RAB2A: variants seen among roughly 807,000 people sequenced by gnomAD.
RAB2A encodes RAB2A, member RAS oncogene family.
Under a neutral mutation model 32.5 loss-of-function variants are expected in RAB2A, and 7 were observed. That is an observed-to-expected ratio of 0.22 (90% confidence interval 0.12 to 0.40). RAB2A has a LOEUF of 0.40. RAB2A is among the 10% of genes least tolerant of loss of function. The probability of loss-of-function intolerance (pLI) is 1.00; values close to 1 mark genes in which losing one functional copy is unlikely to be tolerated. For synonymous variants in RAB2A, 79 were observed against 85.2 expected, an observed-to-expected ratio of 0.93 and a Z score of 0.40; for missense variants, 108 against 260.7, an observed-to-expected ratio of 0.41 and a Z score of 4.03.
chr8:60,544,573 A>T (rs10095963), intron 1 of RAB2A, among the ~76,000 whole-genome samples: 34,812 of 91,992 alleles, frequency 0.38, 4,861 homozygotes, highest in African/African-American at 0.51. Context: ...TTTTTTTTTT[A>T]AAATAGAGAT....
At chr8:60,579,328 C>A (rs1028214801) in intron 3 of RAB2A, among the ~76,000 whole-genome samples, 1 of 152,204 alleles carries the variant, frequency 6.6e-6, no homozygotes, top group African/African-American at 2.4e-5. Flanking sequence ...CAGGCGTGAG[C>A]CACCACACCC....
chr8:60,600,059 T>C (rs1206361271), intron 6 of RAB2A, among the ~76,000 whole-genome samples: 1 of 116,822 alleles, frequency 8.6e-6, no homozygotes, highest in Admixed American at 7.9e-5. Flanking sequence ...GTAATTTTAC[T>C]CGGTAGTAAA....
At chr8:60,615,465 A>G (rs988095459) in intron 6 of RAB2A, among the ~76,000 whole-genome samples, 8 of 152,228 alleles carry the variant, frequency 5.3e-5, no homozygotes, top group Non-Finnish European at 7.3e-5. Flanking sequence ...AGTGGTCTAA[A>G]GATGGATTAG....
intron 5 of RAB2A, among the ~76,000 whole-genome samples, chr8:60,588,152 A>G (rs762702652): frequency 1.3e-4 from 20 of 152,172 alleles, no homozygotes; most frequent in Non-Finnish European, 2.2e-4. Context: ...ACATGGTGGT[A>G]CATACTTGTA....
chr8:60,579,058 T>C (rs997539978), intron 3 of RAB2A, among the ~76,000 whole-genome samples: 14 of 152,184 alleles, frequency 9.2e-5, no homozygotes. Context: ...TTGTTTTGTT[T>C]TTGAGACAGA....
intron 6 of RAB2A, among the ~76,000 whole-genome samples, chr8:60,608,524 C>A (rs1290647399): frequency 6.8e-6 from 1 of 146,906 alleles, no homozygotes; most frequent in African/African-American, 2.6e-5. Flanking sequence ...TCTCCTTCTT[C>A]CTCTCCTTCT....
intron 1 of RAB2A, among the ~76,000 whole-genome samples, chr8:60,525,545 C>T (rs746971865): frequency 2.0e-5 from 3 of 152,124 alleles, no homozygotes; most frequent in Non-Finnish European, 4.4e-5. Flanking sequence ...TGGTCTGGCT[C>T]CATTCCCCTT....
chr8:60,613,278 T>C (rs1804389771), intron 6 of RAB2A, among the ~76,000 whole-genome samples: 1 of 152,166 alleles, frequency 6.6e-6, no homozygotes, highest in Non-Finnish European at 1.5e-5. Flanking sequence ...CCTTCTCCTG[T>C]TGTTCCCCAT....
At chr8:60,616,527 G>A (rs1171826251) in intron 6 of RAB2A, among the ~76,000 whole-genome samples, 1 of 152,246 alleles carries the variant, frequency 6.6e-6, no homozygotes, top group African/African-American at 2.4e-5. Flanking sequence ...ATAAAGTTAA[G>A]TTTTTCCTTA....
chr8:60,522,885 A>T lies in RAB2A; in HGVS notation c.46+5632A>T, dbSNP rs186731953. Among the ~76,000 whole-genome samples, 7 of 152,190 alleles carry T rather than the reference A, an allele frequency of 4.6e-5. No individual in the cohort carries two copies. In the East Asian group the frequency reaches 1.2e-3, roughly 25 times the overall value. On this transcript the variant is annotated intron_variant, in intron 1 of 7. Coordinates refer to ENST00000262646, the MANE Select transcript of RAB2A (RefSeq NM_002865.3). ...AAAAAAAAAAATATTCAGCAGCCCA[A>T]CCCCTAGAGATTTTGATTGACTAGA...
At chr8:60,519,841 T>C (rs1194266955) in intron 1 of RAB2A, among the ~76,000 whole-genome samples, 3 of 152,220 alleles carry the variant, frequency 2.0e-5, no homozygotes, top group Non-Finnish European at 4.4e-5. Flanking sequence ...GGTGTCGTTG[T>C]TGTTGTTGTT....
At chr8:60,589,107 AAAT>A (rs1331007179) in intron 5 of RAB2A, among the ~76,000 whole-genome samples, 2 of 152,336 alleles carry the variant, frequency 1.3e-5, no homozygotes, top group African/African-American at 2.4e-5. Flanking sequence ...TCAAGGTATG[AAAT>A]AATAAGAGGA....
intron 1 of RAB2A, among the ~76,000 whole-genome samples, chr8:60,554,245 G>C (rs1471823625): frequency 6.6e-6 from 1 of 152,234 alleles, no homozygotes; most frequent in South Asian, 2.1e-4. Flanking sequence ...ACCAGAACTA[G>C]AGCACTGATG....
chr8:60,583,976 TG>T, intron 3 of RAB2A: 1 of 371,100 alleles, frequency 2.7e-6, no homozygotes, highest in Non-Finnish European at 5.1e-6. Flanking sequence ...TCTTGCGGGC[TG>T]GGGAGGTTGC....
At chr8:60,592,486 C>A (rs1803958488) in intron 6 of RAB2A, among the ~76,000 whole-genome samples, 1 of 149,704 alleles carries the variant, frequency 6.7e-6, no homozygotes, top group South Asian at 2.1e-4. Context: ...ACGTTTGTAG[C>A]TATTTATATC....
chr8:60,563,275 C>T (rs1808051564), intron 2 of RAB2A, among the ~76,000 whole-genome samples: 1 of 152,126 alleles, frequency 6.6e-6, no homozygotes, highest in African/African-American at 2.4e-5. Context: ...GTCATAGAAA[C>T]AGTTTATAAA....
chr8:60,567,410 TGTG>T (rs1374379901), intron 2 of RAB2A, among the ~76,000 whole-genome samples: 1 of 152,180 alleles, frequency 6.6e-6, no homozygotes, highest in Non-Finnish European at 1.5e-5. Context: ...AATATCATAC[TGTG>T]GTAGTTATTG....
chr8:60,543,821 C>T (rs926919190), intron 1 of RAB2A, among the ~76,000 whole-genome samples: 1 of 152,090 alleles, frequency 6.6e-6, no homozygotes, highest in Non-Finnish European at 1.5e-5. Flanking sequence ...CTTTGGGAGG[C>T]TAAGGCAGGT....
At chr8:60,528,880 GTA>G (rs142359148) in intron 1 of RAB2A, among the ~76,000 whole-genome samples, 172 of 152,104 alleles carry the variant, frequency 1.1e-3, no homozygotes, top group African/African-American at 4.0e-3. Context: ...TTGGCTCCTG[GTA>G]ATGATTTAAA....
Sources: gnomAD v4.1 joint callset for allele counts (sites outside exome capture counted in the v4.1 genomes callset) on GRCh38, gnomAD v4.1.1 for gene constraint, MANE v1.5 for transcripts, NCBI Gene and HGNC (gene_info 2026-07-23, HGNC 2026-07-21) for gene names.